MEAK7: variants seen among roughly 807,000 people sequenced by gnomAD.
MEAK7 encodes the protein MTOR associated protein MEAK7.
MEAK7 carries 68 observed loss-of-function variants against 40.5 expected under a neutral mutation model. The ratio of observed to expected loss-of-function variants is 1.68; its 90% CI spans 1.38 to 2.06. The LOEUF is 2.06. Ranked by LOEUF, MEAK7 falls within the 30% of genes most tolerant of loss-of-function variation. MEAK7 has a pLI of 0.00. For missense variants in MEAK7, 918 were observed against 580.5 expected, an observed-to-expected ratio of 1.58 and a Z score of -5.98; for synonymous variants, 338 against 231.9, an observed-to-expected ratio of 1.46 and a Z score of -4.16.
In MEAK7 at chr16:84,486,766, G is replaced by A; in HGVS notation, c.823C>T (p.His275Tyr). The A allele has an allele frequency of 3.7e-6, 6 of 1,614,040 alleles. No individual in the cohort carries two copies. The highest frequency in any genetic ancestry group is 5.1e-6 in the Non-Finnish European group (6 of 1,179,906). ...RWCLLFSSEL[H>Y]GHSFSQLCGH... ...CAGAGCTGGGAGAAGCTGTGTCCAT[G>A]GAGCTCAGACGAAAAGAGCAGGCAC... The change falls in exon 5 of 8, where the codon CAT becomes TAT. Residue 275 changes from histidine to tyrosine, a missense_variant. Coordinates refer to ENST00000343629, the MANE Select transcript of MEAK7 (RefSeq NM_020947.4).
At chr16:84,484,314 C>A (rs1912845133) in intron 5 of MEAK7, among the ~76,000 whole-genome samples, 1 of 152,178 alleles carries the variant, frequency 6.6e-6, no homozygotes, top group South Asian at 2.1e-4. Context: ...TATCTCATTC[C>A]CATAAAACAA....
At position 84,497,579 on chromosome 16, in the gene MEAK7, TG is replaced by T. The variant is rs1460549438; in HGVS notation, c.153+354del. The stretch of plus-strand genomic sequence containing the variant: ...GAGGCAGGCTATCTCTCTCCTCTGA[TG>T]TTCATCTCAAGTTAGAAATGTCCCC... On this transcript the variant is annotated intron_variant, in intron 2 of 7. Transcript: ENST00000343629. 57 of 1,304,368 alleles carry T rather than the reference TG, an allele frequency of 4.4e-5. 1 individual carries two copies. The East Asian group carries it at 1.3e-3, about 29-fold the overall frequency. 80.8% of individuals were successfully genotyped at this position (1,304,368 alleles called of 1,614,324 possible).
At chr16:84,503,675 G>A (rs1415788969) in intron 1 of MEAK7, among the ~76,000 whole-genome samples, 1 of 152,192 alleles carries the variant, frequency 6.6e-6, no homozygotes, top group Non-Finnish European at 1.5e-5. Flanking sequence ...CAAGACAACA[G>A]AGAATGGCTC....
chr16:84,494,829 A>G (rs1913909043), intron 3 of MEAK7: 2 of 455,456 alleles, frequency 4.4e-6, no homozygotes, highest in Non-Finnish European at 8.8e-6. Context: ...TCTCCAAAAG[A>G]TTTCTGAAAG....
At chr16:84,494,941 T>A in intron 3 of MEAK7, 1 of 405,478 alleles carries the variant, frequency 2.5e-6, no homozygotes, top group Non-Finnish European at 4.8e-6. Flanking sequence ...TTTCCCTTTG[T>A]TCCTAAGCAG....
rs559267544 is a variant in MEAK7, at chr16:84,476,493, C to G, written c.*3420G>C. 1.1e-4 allele frequency: 16 copies of G among 152,162 alleles called. No homozygotes were observed. Among genetic ancestry groups the G allele is most frequent in the African/African-American group, 2.7e-4 (11 of 41,508 alleles). 9.4% of individuals were successfully genotyped at this position (152,162 alleles called of 1,614,324 possible). A position where few individuals can be genotyped will look rare whatever the true frequency, so the allele number is the denominator to read the frequency against. On this transcript the variant is annotated 3_prime_UTR_variant, in exon 8 of 8. Transcript: ENST00000343629. ...AAATAAAAGGCATATACCTCTCAAT[C>G]CAACAATTCCAATTCTAAGAGTTTA...
intron 5 of MEAK7, among the ~76,000 whole-genome samples, chr16:84,483,083 G>A (rs935102044): frequency 3.9e-5 from 6 of 152,180 alleles, no homozygotes; most frequent in Non-Finnish European, 8.8e-5. Flanking sequence ...AGAGACTGAG[G>A]CCTCCAGCAC....
Position 84,498,043 on chromosome 16 carries a change from T to A in MEAK7, c.44A>T (p.Gln15Leu). ...CTCTGCCTGTTCCTCAGGAAGAAAC[T>A]GTGAACAAAAGCTCCGCCCCACACG... The part of the protein sequence containing the change: ...RSRVGRSFCS[Q>L]FLPEEQAEID... The change falls in exon 2 of 8, where the codon CAG becomes CTG. Residue 15 changes from glutamine to leucine, a missense_variant. Physicochemically the swap from Gln to Leu is moderately radical, Grantham distance 113. Coordinates refer to ENST00000343629, the MANE Select transcript of MEAK7 (RefSeq NM_020947.4). 1.2e-6 allele frequency: 2 copies of A among 1,612,038 alleles called. No individual in the cohort carries two copies. Among genetic ancestry groups the A allele is most frequent in the Non-Finnish European group, 1.7e-6 (2 of 1,178,038 alleles).
intron 1 of MEAK7, among the ~76,000 whole-genome samples, chr16:84,501,703 C>G (rs566210916): frequency 1.1e-4 from 17 of 152,202 alleles, no homozygotes; most frequent in Non-Finnish European, 2.1e-4. Context: ...GGGCTGGTGC[C>G]AGTGAGGTGG....
rs1913093559 is a variant in MEAK7, at chr16:84,486,706, C to A, written c.883G>T (p.Val295Phe). The change falls in exon 5 of 8, where the codon GTC becomes TTC. Residue 295 changes from valine (V) to phenylalanine (F), a missense_variant. Physicochemically the swap from Val to Phe is conservative, Grantham distance 50. Coordinates refer to ENST00000343629, the MANE Select transcript of MEAK7 (RefSeq NM_020947.4). ...HITHRGPCVA[V>F]LEDHDKHVFG... ...ACATGCTTGTCATGGTCCTCGAGGA[C>A]AGCCACACAGGGTCCCCGGTGAGTG... 6 of 1,613,918 alleles carry A rather than the reference C, an allele frequency of 3.7e-6. No homozygotes were observed. Among genetic ancestry groups the A allele is most frequent in the Admixed American group, 1.7e-5 (1 of 59,998 alleles).
chr16:84,497,816 C>A (rs1353852230), intron 2 of MEAK7, 118 bp downstream of exon 2: 1 of 1,485,072 alleles, frequency 6.7e-7, no homozygotes, highest in Non-Finnish European at 9.3e-7. Flanking sequence ...AGAAAACCAA[C>A]TTTTCAGTGT....
At chr16:84,491,996 A>G (rs746421837) in intron 3 of MEAK7, among the ~76,000 whole-genome samples, 52 of 152,190 alleles carry the variant, frequency 3.4e-4, no homozygotes, top group Non-Finnish European at 6.3e-4. Context: ...ATCCTGCTAA[A>G]TCTTCAACAC....
At chr16:84,503,200 A>C (rs1293830940) in intron 1 of MEAK7, among the ~76,000 whole-genome samples, 1 of 9,430 alleles carries the variant, frequency 1.1e-4, no homozygotes, top group East Asian at 6.3e-3. Flanking sequence ...ATATCTACAT[A>C]TATGGTAAAA....
Position 84,495,733 on chromosome 16 carries a change from T to C in MEAK7, c.334A>G (p.Lys112Glu). 3 of 1,614,022 alleles carry C rather than the reference T, an allele frequency of 1.9e-6. No homozygotes were observed. Among genetic ancestry groups the C allele is most frequent in the Non-Finnish European group, 2.5e-6 (3 of 1,180,036 alleles). Residue 112 changes from lysine to glutamate, a missense_variant, in exon 3 of 8, where the codon AAA becomes GAA. Physicochemically the swap from Lys to Glu is moderately conservative, Grantham distance 56. Coordinates refer to ENST00000343629, the MANE Select transcript of MEAK7 (RefSeq NM_020947.4). ...NSEEKSLMIM[K>E]MISATEGPVK... ...GGACCTTCTGTGGCAGAAATCATTT[T>C]CATAATCATGAGACTCTTCTCCTCG...
intron 1 of MEAK7, among the ~76,000 whole-genome samples, chr16:84,499,055 G>A (rs1388483529): frequency 1.3e-5 from 2 of 152,212 alleles, no homozygotes; most frequent in African/African-American, 2.4e-5. Flanking sequence ...CACTGACCGT[G>A]CCTGTATGAT....
chr16:84,479,838 G>T lies in MEAK7; in HGVS notation c.*75C>A. On this transcript the variant is annotated 3_prime_UTR_variant, in exon 8 of 8. Coordinates refer to ENST00000343629, the MANE Select transcript of MEAK7 (RefSeq NM_020947.4). ...CTATTACAGTTAAACCATGTGGGAGGGAAGAGGGGCTGCAGGCGTTGCCCT... is the reference window on the plus strand; with the variant it reads ...CTATTACAGTTAAACCATGTGGGAGTGAAGAGGGGCTGCAGGCGTTGCCCT... 1.7e-6 allele frequency: 2 copies of T among 1,145,636 alleles called. No individual in the cohort carries two copies. The highest frequency in any genetic ancestry group is 2.5e-6 in the Non-Finnish European group (2 of 812,764). The allele number at this position is 1,145,636 out of a possible 1,614,324, so 71.0% of individuals were successfully genotyped here. A position where few individuals can be genotyped will look rare whatever the true frequency, so the allele number is the denominator to read the frequency against.
At position 84,479,328 on chromosome 16, in the gene MEAK7, G is replaced by C. The variant is rs1912292282; in HGVS notation, c.*585C>G. ...CTTCTAACAGGGATGGCCTGAGTGA[G>C]GCCATATGAACCCCAGCGGGAGGAA... On this transcript the variant is annotated 3_prime_UTR_variant, in exon 8 of 8. Coordinates refer to ENST00000343629, the MANE Select transcript of MEAK7 (RefSeq NM_020947.4). 1 of 152,262 alleles carries C rather than the reference G, an allele frequency of 6.6e-6. No individual in the cohort carries two copies. The highest frequency in any genetic ancestry group is 6.5e-5 in the Admixed American group (1 of 15,286). 9.4% of individuals were successfully genotyped at this position (152,262 alleles called of 1,614,324 possible).
intron 5 of MEAK7, chr16:84,485,883 C>G (rs427445): frequency 0.4 from 60,654 of 152,102 alleles, 12,778 homozygotes; most frequent in South Asian, 0.58. Context: ...GGTTTCACCA[C>G]GTTCACCAGG....
At chr16:84,494,909 C>G (rs1913915245) in intron 3 of MEAK7, 1 of 428,878 alleles carries the variant, frequency 2.3e-6, no homozygotes, top group African/African-American at 2.1e-5. Context: ...AAGCTAAAAG[C>G]TGAGTCTTGC....
Sources: allele counts gnomAD v4.1 joint callset (sites outside exome capture counted in the v4.1 genomes callset), GRCh38; gene constraint gnomAD v4.1.1; transcripts MANE v1.5; gene names NCBI Gene and HGNC (gene_info 2026-07-23, HGNC 2026-07-21).